The following CCDC93 variants were observed in gnomAD, a reference collection of about 807,000 sequenced individuals.
CCDC93 encodes CCC complex scaffolding subunit CCDC93.
A neutral mutation model predicts 108.2 loss-of-function variants in CCDC93; 61 were observed. The ratio of observed to expected loss-of-function variants is 0.56; its 90% CI spans 0.46 to 0.70. CCDC93 has a LOEUF of 0.70. Among genes scored for constraint, CCDC93 ranks in the 30% least tolerant of loss-of-function variants. CCDC93 has a pLI of 0.00. For missense variants in CCDC93, 685 were observed against 764.2 expected, an observed-to-expected ratio of 0.90 and a Z score of 1.22; for synonymous variants, 276 against 260.4, an observed-to-expected ratio of 1.06 and a Z score of -0.58.
At chr2:117,950,882 C>T (rs764233537) in intron 13 of CCDC93, 100 of 985,318 alleles carry the variant, frequency 1.0e-4, no homozygotes, top group Non-Finnish European at 1.2e-4. Context: ...GCTGCATGGC[C>T]TCTCTGCCTT....
At chr2:117,983,630 TTA>T (rs66879401) in intron 7 of CCDC93, among the ~76,000 whole-genome samples, 17 of 98,586 alleles carry the variant, frequency 1.7e-4, no homozygotes, top group African/African-American at 5.5e-4. Flanking sequence ...CTGCTCAAAA[TTA>T]TATATATATA....
chr2:118,002,020 C>G (rs1041688698), intron 3 of CCDC93, among the ~76,000 whole-genome samples: 9 of 152,096 alleles, frequency 5.9e-5, no homozygotes, highest in African/African-American at 2.2e-4. Context: ...GAAATAGGAG[C>G]TTCTGGCTCA....
intron 7 of CCDC93, among the ~76,000 whole-genome samples, chr2:117,980,305 T>C (rs746316774): frequency 2.0e-5 from 3 of 152,186 alleles, no homozygotes; most frequent in Non-Finnish European, 4.4e-5. Flanking sequence ...CAATACAAGG[T>C]CTTGCCCAAG....
chr2:117,962,787 C>T (rs963551241), intron 11 of CCDC93, among the ~76,000 whole-genome samples: 6 of 152,188 alleles, frequency 3.9e-5, no homozygotes, highest in African/African-American at 7.2e-5. Flanking sequence ...TATGTACCCA[C>T]TGAAGTTGGC....
intron 7 of CCDC93, among the ~76,000 whole-genome samples, chr2:117,983,082 T>C (rs1247295595): frequency 6.6e-6 from 1 of 152,184 alleles, no homozygotes; most frequent in Non-Finnish European, 1.5e-5. Context: ...CACAAGTGTC[T>C]TCCATCCACT....
At chr2:118,010,672 C>T (rs1207469256) in intron 1 of CCDC93, among the ~76,000 whole-genome samples, 1 of 152,196 alleles carries the variant, frequency 6.6e-6, no homozygotes. Context: ...CCTCCCAGCC[C>T]TTATCAACAA....
At chr2:117,926,288 T>TA (rs1396980214) in intron 23 of CCDC93, among the ~76,000 whole-genome samples, 1 of 151,414 alleles carries the variant, frequency 6.6e-6, no homozygotes, top group Non-Finnish European at 1.5e-5. Flanking sequence ...CTGAAGGAAA[T>TA]AGAGACATAA....
rs1677735167 is a variant in CCDC93, at chr2:117,917,864, A to G, written c.*2479T>C. 1 of 152,330 alleles carries G rather than the reference A, an allele frequency of 6.6e-6. No individual in the cohort carries two copies. Among genetic ancestry groups the G allele is most frequent in the African/African-American group, 2.4e-5 (1 of 41,466 alleles). The allele number at this position is 152,330 out of a possible 1,614,324, so 9.4% of individuals were successfully genotyped here. On this transcript the variant is annotated 3_prime_UTR_variant, in exon 24 of 24. Transcript: ENST00000376300. ...ACCCAGAGGCTGGCGGAGATTCCAC[A>G]GCACTGGGCAGCCTGCCCGCTAGCA...
Position 117,917,606 on chromosome 2 carries a change from A to T in CCDC93, c.*2737T>A, listed in dbSNP as rs1677726379. On this transcript the variant is annotated 3_prime_UTR_variant, in exon 24 of 24. Transcript: ENST00000376300. The stretch of plus-strand genomic sequence containing the variant: ...TTTGCCCTCTGTTAAAACAACCCTC[A>T]GTGTGACTCTGACGACTGTTTAACA... 1 of 152,276 alleles carries T rather than the reference A, an allele frequency of 6.6e-6. No homozygotes were observed. The allele number at this position is 152,276 out of a possible 1,614,324, so 9.4% of individuals were successfully genotyped here.
intron 7 of CCDC93, among the ~76,000 whole-genome samples, chr2:117,978,620 C>T (rs1362131683): frequency 2.0e-5 from 3 of 152,058 alleles, no homozygotes; most frequent in Admixed American, 2.0e-4. Context: ...TCCATTCAAC[C>T]CTCAACAAAA....
intron 23 of CCDC93, among the ~76,000 whole-genome samples, chr2:117,923,959 T>A (rs909353908): frequency 6.6e-6 from 1 of 152,166 alleles, no homozygotes; most frequent in African/African-American, 2.4e-5. Context: ...GGCAACAACA[T>A]TTGCTGTTCA....
chr2:117,940,324 T>C (rs948231921), intron 19 of CCDC93, among the ~76,000 whole-genome samples: 1 of 152,056 alleles, frequency 6.6e-6, no homozygotes, highest in South Asian at 2.1e-4. Context: ...AGGATCTGAA[T>C]TGGGTATTGA....
chr2:117,978,986 T>C (rs1300858998), intron 7 of CCDC93, among the ~76,000 whole-genome samples: 1 of 152,136 alleles, frequency 6.6e-6, no homozygotes, highest in Non-Finnish European at 1.5e-5. Flanking sequence ...CCAGCCTGGG[T>C]GACAGAGCAA....
chr2:117,988,613 C>T (rs1680388430), intron 6 of CCDC93, among the ~76,000 whole-genome samples: 1 of 152,204 alleles, frequency 6.6e-6, no homozygotes, highest in Non-Finnish European at 1.5e-5. Context: ...GTAATTCTGC[C>T]TTTCACCTAA....
chr2:117,934,065 A>T (rs1012170834), intron 22 of CCDC93: 1 of 152,266 alleles, frequency 6.6e-6, no homozygotes, highest in Admixed American at 6.5e-5. Context: ...GGGAGAGTGA[A>T]GAGAGTGAAG....
At chr2:117,936,670 T>G (rs1178835228) in intron 21 of CCDC93, 32 bp downstream of exon 21, 1 of 1,581,022 alleles carries the variant, frequency 6.3e-7, no homozygotes, top group African/African-American at 1.3e-5. Flanking sequence ...GCCGGCAGGG[T>G]ATTAGTGGGA....
intron 23 of CCDC93, among the ~76,000 whole-genome samples, chr2:117,923,528 AGTCT>A (rs1325162314): frequency 6.6e-5 from 10 of 152,202 alleles, no homozygotes; most frequent in Admixed American, 4.6e-4. Flanking sequence ...CTACCACAGC[AGTCT>A]GAGATCAAAC....
intron 6 of CCDC93, among the ~76,000 whole-genome samples, chr2:117,987,826 T>G (rs908191631): frequency 6.6e-6 from 1 of 152,188 alleles, no homozygotes; most frequent in Non-Finnish European, 1.5e-5. Context: ...TTAATAGTGG[T>G]AGCAATTGTA....
Position 117,941,512 on chromosome 2 carries a change from G to A in CCDC93, c.1414-215C>T, listed in dbSNP as rs1170266000. On this transcript the variant is annotated intron_variant, in intron 18 of 23. Transcript: ENST00000376300. Reference sequence around the variant, plus strand: ...GTGGGAGGTGGTGTGACTGTGAACTGAATCACAGAAGGCACCAAATGAGTG... The same window carrying A: ...GTGGGAGGTGGTGTGACTGTGAACTAAATCACAGAAGGCACCAAATGAGTG... Among the ~76,000 whole-genome samples, 5 of 152,202 alleles carry A rather than the reference G, an allele frequency of 3.3e-5. No individual in the cohort carries two copies. In the East Asian group the frequency reaches 9.7e-4, roughly 30 times the overall value.
Sources: allele counts gnomAD v4.1 joint callset (sites outside exome capture counted in the v4.1 genomes callset), GRCh38; gene constraint gnomAD v4.1.1; transcripts MANE v1.5; gene names NCBI Gene and HGNC (gene_info 2026-07-23, HGNC 2026-07-21).